CERS6: variants seen among roughly 807,000 people sequenced by gnomAD.
The protein encoded by CERS6 is ceramide synthase 6.
CERS6 carries 26 observed loss-of-function variants against 56.8 expected under a neutral mutation model. The observed-to-expected ratio is 0.46, with a 90% CI of 0.34 to 0.63. CERS6 has a LOEUF of 0.63. Among genes scored for constraint, CERS6 ranks in the 30% least tolerant of loss-of-function variants. CERS6 has a pLI of 0.01. For synonymous variants in CERS6, 164 were observed against 173.3 expected (o/e 0.95, Z 0.42); for missense variants, 415 against 467.5 (o/e 0.89, Z 1.04).
intron 3 of CERS6, among the ~76,000 whole-genome samples, chr2:168,601,441 A>G (rs989448310): frequency 4.6e-5 from 7 of 152,270 alleles, no homozygotes; most frequent in East Asian, 1.9e-4. Flanking sequence ...ACAAAGACCA[A>G]TGATGAATTC....
At chr2:168,640,767 A>G (rs1684970521) in intron 4 of CERS6, among the ~76,000 whole-genome samples, 2 of 152,220 alleles carry the variant, frequency 1.3e-5, no homozygotes, top group African/African-American at 2.4e-5. Flanking sequence ...AGGAGATGGG[A>G]CATTTTAGCC....
At chr2:168,696,826 T>C (rs1341748540) in intron 6 of CERS6, among the ~76,000 whole-genome samples, 3 of 152,158 alleles carry the variant, frequency 2.0e-5, no homozygotes, top group African/African-American at 7.2e-5. Flanking sequence ...ATATATATAT[T>C]TGAGAAGGAC....
At chr2:168,588,049 G>T (rs561188414) in intron 3 of CERS6, among the ~76,000 whole-genome samples, 1 of 150,956 alleles carries the variant, frequency 6.6e-6, no homozygotes, top group South Asian at 2.1e-4. Flanking sequence ...CCTCAGCTCA[G>T]ACTGAAGATG....
intron 4 of CERS6, among the ~76,000 whole-genome samples, chr2:168,652,016 T>C (rs190243183): frequency 6.6e-6 from 1 of 151,252 alleles, no homozygotes; most frequent in East Asian, 1.9e-4. Context: ...ATTATCTCTT[T>C]CTCTCACTGC....
chr2:168,681,081 G>A (rs1686203622), intron 4 of CERS6, among the ~76,000 whole-genome samples: 1 of 152,214 alleles, frequency 6.6e-6, no homozygotes, highest in Admixed American at 6.5e-5. Flanking sequence ...TTGAAACAAT[G>A]TGTGAATGAG....
At chr2:168,559,030 A>G (rs1484749334) in intron 2 of CERS6, among the ~76,000 whole-genome samples, 1 of 152,224 alleles carries the variant, frequency 6.6e-6, no homozygotes. Flanking sequence ...TTTTTGCACC[A>G]TATGAATTTT....
intron 6 of CERS6, among the ~76,000 whole-genome samples, chr2:168,702,361 A>G (rs2105373909): frequency 6.6e-6 from 1 of 152,338 alleles, no homozygotes; most frequent in South Asian, 2.1e-4. Flanking sequence ...TGGTTATTCC[A>G]ACTTGTGTAT....
At chr2:168,511,327 C>A (rs1031686892) in intron 1 of CERS6, among the ~76,000 whole-genome samples, 2 of 152,096 alleles carry the variant, frequency 1.3e-5, no homozygotes, top group Admixed American at 6.5e-5. Context: ...GTTTACTTTT[C>A]TTATCCATCA....
At chr2:168,717,326 G>C (rs945318823) in intron 7 of CERS6, among the ~76,000 whole-genome samples, 4 of 152,100 alleles carry the variant, frequency 2.6e-5, no homozygotes, top group Non-Finnish European at 4.4e-5. Context: ...GAGTAAGCCA[G>C]AAGAGCATCT....
In CERS6 at chr2:168,495,636, T is replaced by C. The variant is rs1028921180; in HGVS notation, c.170+39018T>C. Among the ~76,000 whole-genome samples, 7 of 152,200 alleles carry C rather than the reference T, an allele frequency of 4.6e-5. No homozygotes were observed. The East Asian group carries it at 7.7e-4, about 17-fold the overall frequency. ...TGGGGCATCTAGCAGTATTTTTGCA[T>C]TTGGACAATAGTGTAAAGAGCACTG... On this transcript the variant is annotated intron_variant, in intron 1 of 9. Transcript: ENST00000305747.
chr2:168,752,322 G>GTGTGTGTGT (rs1553516313), intron 8 of CERS6, among the ~76,000 whole-genome samples: 4 of 85,406 alleles, frequency 4.7e-5, no homozygotes, highest in East Asian at 3.2e-4. Flanking sequence ...TGTGTGTATA[G>GTGTGTGTGT]AGAGAGAGAG....
chr2:168,499,671 C>T (rs1220726754), intron 1 of CERS6, among the ~76,000 whole-genome samples: 2 of 152,158 alleles, frequency 1.3e-5, no homozygotes, highest in African/African-American at 4.8e-5. Context: ...AAGAAAATCT[C>T]ATGCAGCCCA....
At chr2:168,478,092 T>G (rs1043622777) in intron 1 of CERS6, among the ~76,000 whole-genome samples, 7 of 254 alleles carry the variant, frequency 0.028, no homozygotes, top group Admixed American at 0.071. Flanking sequence ...CATTCAGGGT[T>G]TTTTTTTTTG....
chr2:168,614,353 A>G (rs887019707), intron 3 of CERS6, among the ~76,000 whole-genome samples: 1 of 152,202 alleles, frequency 6.6e-6, no homozygotes, highest in African/African-American at 2.4e-5. Flanking sequence ...TTTCTTTACA[A>G]ACAACTTAAA....
At chr2:168,531,784 G>A (rs1695171928) in intron 1 of CERS6, among the ~76,000 whole-genome samples, 1 of 149,554 alleles carries the variant, frequency 6.7e-6, no homozygotes, top group Non-Finnish European at 1.5e-5. Flanking sequence ...TCGCTCCACT[G>A]CACTCCAGCC....
chr2:168,735,563 G>T (rs1683687876), intron 8 of CERS6, among the ~76,000 whole-genome samples: 1 of 152,010 alleles, frequency 6.6e-6, no homozygotes, highest in South Asian at 2.1e-4. Context: ...GTGAGCTTTT[G>T]TCACCAACAG....
chr2:168,577,133 C>T (rs895347671), intron 3 of CERS6, among the ~76,000 whole-genome samples: 1 of 151,850 alleles, frequency 6.6e-6, no homozygotes, highest in Non-Finnish European at 1.5e-5. Flanking sequence ...CGAGACGGTG[C>T]GAGATCTCAA....
chr2:168,592,368 G>A (rs748442943), intron 3 of CERS6, among the ~76,000 whole-genome samples: 1 of 152,206 alleles, frequency 6.6e-6, no homozygotes, highest in Non-Finnish European at 1.5e-5. Flanking sequence ...AGCTCAGGAC[G>A]TGGGAAAGGG....
chr2:168,628,787 G>A (rs907408627), intron 3 of CERS6, among the ~76,000 whole-genome samples: 3 of 152,210 alleles, frequency 2.0e-5, no homozygotes, highest in Admixed American at 6.5e-5. Context: ...ACTTTTCACT[G>A]TTAATCACAT....
Sources: gnomAD v4.1 joint callset for allele counts (sites outside exome capture counted in the v4.1 genomes callset) on GRCh38, gnomAD v4.1.1 for gene constraint, MANE v1.5 for transcripts, NCBI Gene and HGNC (gene_info 2026-07-23, HGNC 2026-07-21) for gene names.